The following RBMS1 variants were observed in gnomAD, a reference collection of about 807,000 sequenced individuals.
RBMS1 encodes RNA binding motif single stranded interacting protein 1.
In RBMS1, 17 loss-of-function variants were observed where a neutral mutation model predicts 62.3. That is an observed-to-expected ratio of 0.27 (90% confidence interval 0.19 to 0.41). RBMS1 has a LOEUF of 0.41. RBMS1 is among the 10% of genes least tolerant of loss of function. The pLI is 1.00. For missense variants in RBMS1, 334 were observed against 504.5 expected (o/e 0.66, Z 3.24); for synonymous variants, 172 against 170.0 (o/e 1.01, Z -0.09).
At chr2:160,340,672 G>GA (rs546025046) in intron 2 of RBMS1, among the ~76,000 whole-genome samples, 7 of 150,334 alleles carry the variant, frequency 4.7e-5, no homozygotes, top group Admixed American at 6.6e-5. Flanking sequence ...CCACCATCCA[G>GA]AAAAAAAAAC....
chr2:160,371,305 T>C (rs757099960), intron 1 of RBMS1, among the ~76,000 whole-genome samples: 8 of 152,220 alleles, frequency 5.3e-5, no homozygotes, highest in Non-Finnish European at 1.2e-4. Flanking sequence ...TCCTTCTACA[T>C]TTTGCCTCTC....
At chr2:160,459,337 T>G (rs1220163051) in intron 1 of RBMS1, among the ~76,000 whole-genome samples, 11 of 152,216 alleles carry the variant, frequency 7.2e-5, no homozygotes. Context: ...AGTACTATCA[T>G]TCTTTCTGCT....
At chr2:160,465,410 A>G (rs1684646304) in intron 1 of RBMS1, among the ~76,000 whole-genome samples, 1 of 152,130 alleles carries the variant, frequency 6.6e-6, no homozygotes, top group Non-Finnish European at 1.5e-5. Context: ...GCCCAACTCA[A>G]TCCTACATTT....
At chr2:160,410,193 G>T (rs1695967636) in intron 1 of RBMS1, among the ~76,000 whole-genome samples, 1 of 119,014 alleles carries the variant, frequency 8.4e-6, no homozygotes, top group African/African-American at 3.1e-5. Flanking sequence ...CTGCACCCCA[G>T]TCTGGGTGAC....
At chr2:160,490,469 T>C (rs1433021613) in intron 1 of RBMS1, among the ~76,000 whole-genome samples, 2 of 152,132 alleles carry the variant, frequency 1.3e-5, no homozygotes, top group Non-Finnish European at 2.9e-5. Flanking sequence ...CATGGAGACA[T>C]ATTACTTTTT....
intron 1 of RBMS1, among the ~76,000 whole-genome samples, chr2:160,371,721 G>A (rs899666576): frequency 2.6e-5 from 4 of 152,096 alleles, no homozygotes; most frequent in Non-Finnish European, 5.9e-5. Flanking sequence ...AGAACTTCCC[G>A]TATGGACAGC....
At chr2:160,324,522 TA>T (rs1245415866) in intron 2 of RBMS1, among the ~76,000 whole-genome samples, 3 of 151,890 alleles carry the variant, frequency 2.0e-5, no homozygotes, top group Admixed American at 6.6e-5. Context: ...TGGGTGTGTT[TA>T]AAACAACAGT....
chr2:160,299,501 T>C (rs941732006), intron 6 of RBMS1, among the ~76,000 whole-genome samples: 1 of 146,816 alleles, frequency 6.8e-6, no homozygotes, highest in Non-Finnish European at 1.5e-5. Flanking sequence ...ATCAAATTTC[T>C]CGGCTTTGCT....
intron 1 of RBMS1, among the ~76,000 whole-genome samples, chr2:160,395,010 A>G (rs1194817658): frequency 6.6e-6 from 1 of 152,236 alleles, no homozygotes; most frequent in East Asian, 1.9e-4. Flanking sequence ...CTTCTTTTAA[A>G]TAAGTGGTTC....
chr2:160,470,530 A>G (rs1481149838), intron 1 of RBMS1, among the ~76,000 whole-genome samples: 1 of 152,194 alleles, frequency 6.6e-6, no homozygotes, highest in Non-Finnish European at 1.5e-5. Context: ...TTATTATAGT[A>G]AATTCTATCA....
chr2:160,436,696 C>A (rs1683125119), intron 1 of RBMS1, among the ~76,000 whole-genome samples: 1 of 152,216 alleles, frequency 6.6e-6, no homozygotes, highest in African/African-American at 2.4e-5. Context: ...TTTCAGCTGT[C>A]CATTTTCACT....
At chr2:160,282,528 T>G (rs1348160608) in intron 9 of RBMS1, 3 of 303,518 alleles carry the variant, frequency 9.9e-6, no homozygotes, top group African/African-American at 6.5e-5. Flanking sequence ...AGACCCTAAT[T>G]TGGGCCAGAT....
At chr2:160,309,257 C>T (rs1164036095) in intron 4 of RBMS1, among the ~76,000 whole-genome samples, 2 of 152,150 alleles carry the variant, frequency 1.3e-5, no homozygotes, top group Non-Finnish European at 2.9e-5. Context: ...AATTGCTTTC[C>T]TCTCACCATC....
chr2:160,310,552 G>GA (rs1427734821), intron 4 of RBMS1, among the ~76,000 whole-genome samples: 1 of 152,184 alleles, frequency 6.6e-6, no homozygotes, highest in African/African-American at 2.4e-5. Context: ...AGAAACACCT[G>GA]AAACGAAAGA....
intron 1 of RBMS1, among the ~76,000 whole-genome samples, chr2:160,462,405 G>A (rs546664318): frequency 1.9e-3 from 296 of 152,264 alleles, no homozygotes; most frequent in Non-Finnish European, 3.3e-3. Flanking sequence ...GGGCAGAAAA[G>A]GAAGGAGGTG....
intron 1 of RBMS1, among the ~76,000 whole-genome samples, chr2:160,492,111 C>A (rs4664331): frequency 0.54 from 81,749 of 151,948 alleles, 22,274 homozygotes; most frequent in East Asian, 0.69. Flanking sequence ...AAATGCCCAA[C>A]TACCAGCAAG....
chr2:160,409,595 C>T (rs1334260788), intron 1 of RBMS1, among the ~76,000 whole-genome samples: 1 of 152,204 alleles, frequency 6.6e-6, no homozygotes, highest in Non-Finnish European at 1.5e-5. Context: ...GTGCCTTTCT[C>T]TGAGAACTTA....
chr2:160,428,345 G>T (rs1484495710), intron 1 of RBMS1, among the ~76,000 whole-genome samples: 1 of 152,006 alleles, frequency 6.6e-6, no homozygotes, highest in African/African-American at 2.4e-5. Flanking sequence ...TATAAATGTC[G>T]AACTAAAAAG....
rs1373439128 is a variant in RBMS1 at position 160,318,177 on chromosome 2, T to A, written c.302A>T (p.Lys101Ile). Residue 101 changes from lysine to isoleucine, a missense_variant, in exon 3 of 14, where the codon AAA becomes ATA. Coordinates refer to ENST00000348849, the MANE Select transcript of RBMS1 (RefSeq NM_016836.4). ...CAGCCAAGAAAACATACCTTTGCAT[T>A]TGTTCGTTGTCTTATCCAAAATTGC... The part of the protein sequence containing the change: ...TKAILDKTTN[K>I]CKGYGFVDFD... 3.8e-6 allele frequency: 6 copies of A among 1,592,290 alleles called. No individual in the cohort carries two copies. The East Asian group carries it at 6.9e-5, about 18-fold the overall frequency.
Sources: gnomAD v4.1 joint callset for allele counts (sites outside exome capture counted in the v4.1 genomes callset) on GRCh38, gnomAD v4.1.1 for gene constraint, MANE v1.5 for transcripts, NCBI Gene and HGNC (gene_info 2026-07-23, HGNC 2026-07-21) for gene names.